ITIH5: variants seen among roughly 807,000 people sequenced by gnomAD.
ITIH5 encodes the protein inter-alpha-trypsin inhibitor heavy chain H5.
ITIH5 carries 65 observed loss-of-function variants against 77.5 expected under a neutral mutation model. That is an observed-to-expected ratio of 0.84 (90% CI 0.69 to 1.03). ITIH5 has a LOEUF of 1.03. Ranked by LOEUF, ITIH5 falls within the 50% of genes least tolerant of loss-of-function variation. The pLI is 0.00. For synonymous variants in ITIH5, 525 were observed against 494.3 expected, an observed-to-expected ratio of 1.06 and a Z score of -0.82; for missense variants, 1,208 against 1,213.1, an observed-to-expected ratio of 1.00 and a Z score of 0.06.
At chr10:7,579,640 G>T in intron 9 of ITIH5, 115 bp downstream of exon 9, 1 of 1,030,866 alleles carries the variant, frequency 9.7e-7, no homozygotes, top group Non-Finnish European at 1.5e-6. Context: ...AGCTATGATC[G>T]TTGTCAGCAG....
intron 2 of ITIH5, among the ~76,000 whole-genome samples, chr10:7,643,509 T>C (rs1380705884): frequency 6.6e-6 from 1 of 152,214 alleles, no homozygotes; most frequent in Non-Finnish European, 1.5e-5. Flanking sequence ...TATGTGAGAC[T>C]GTCTGGCTGC....
At position 7,631,789 on chromosome 10, in the gene ITIH5, A is replaced by ATT. The variant is rs34814719; in HGVS notation, c.652+5437_652+5438dup. Among the ~76,000 whole-genome samples the ATT allele has an allele frequency of 3.5e-5, 5 of 143,630 alleles. No individual in the cohort carries two copies. In the South Asian group the frequency reaches 9.0e-4, roughly 26 times the overall value. 94.2% of individuals were successfully genotyped at this position (143,630 alleles called of 152,430 possible). On this transcript the variant is annotated intron_variant, in intron 5 of 13. Coordinates refer to ENST00000397146, the MANE Select transcript of ITIH5 (RefSeq NM_030569.7). The stretch of plus-strand genomic sequence containing the variant: ...TGAAATTGAGAAACAACTTTGTTTA[A>ATT]TTTTTTTTTTTTTTTTAAACCAAAT...
In ITIH5 at chr10:7,560,795, A is replaced by G. The variant is rs1269657995; in HGVS notation, c.*2288T>C. On this transcript the variant is annotated 3_prime_UTR_variant, in exon 14 of 14. Coordinates refer to ENST00000397146, the MANE Select transcript of ITIH5 (RefSeq NM_030569.7). Reference sequence around the variant, plus strand: ...TGGTTTATAAATGCTCAAGGAAAATAAATGATTGCCCAGATGGTGAAACAG... The same window carrying G: ...TGGTTTATAAATGCTCAAGGAAAATGAATGATTGCCCAGATGGTGAAACAG... The G allele has an allele frequency of 6.6e-6, 1 of 152,216 alleles. No homozygotes were observed. The highest frequency in any genetic ancestry group is 2.4e-5 in the African/African-American group (1 of 41,446). 9.4% of individuals were successfully genotyped at this position (152,216 alleles called of 1,614,324 possible). A position where few individuals can be genotyped will look rare whatever the true frequency, so the allele number is the denominator to read the frequency against.
chr10:7,652,684 T>A (rs1834120782), intron 2 of ITIH5, among the ~76,000 whole-genome samples: 1 of 152,212 alleles, frequency 6.6e-6, no homozygotes, highest in Non-Finnish European at 1.5e-5. Flanking sequence ...TCTTTTTCCT[T>A]TCCTTTGAAA....
intron 2 of ITIH5, among the ~76,000 whole-genome samples, chr10:7,646,719 A>G (rs933026217): frequency 1.3e-5 from 2 of 152,126 alleles, no homozygotes; most frequent in South Asian, 2.1e-4. Flanking sequence ...AATCCCCTCT[A>G]TATAGTCCTT....
At position 7,580,183 on chromosome 10, in the gene ITIH5, C is replaced by T. The variant is rs554814707; in HGVS notation, c.1109-119G>A. 3,021 of 818,462 alleles carry T rather than the reference C, an allele frequency of 3.7e-3. 29 individuals carry two copies. The highest frequency in any genetic ancestry group is 0.02 in the South Asian group (1,133 of 57,262). The allele number at this position is 818,462 out of a possible 1,614,324, so 50.7% of individuals were successfully genotyped here. A position where few individuals can be genotyped will look rare whatever the true frequency, so the allele number is the denominator to read the frequency against. ...TCACCCAGGCTGGAGTGCAATGGCG[C>T]AATCTGCACTCACTGCAACCTCCGC... On this transcript the variant is annotated intron_variant, in intron 8 of 13. Coordinates refer to ENST00000397146, the MANE Select transcript of ITIH5 (RefSeq NM_030569.7).
At chr10:7,567,343 ATTAT>A (rs1162471333) in intron 12 of ITIH5, among the ~76,000 whole-genome samples, 3 of 148,146 alleles carry the variant, frequency 2.0e-5, no homozygotes, top group Admixed American at 1.4e-4. Flanking sequence ...TATTATTATT[ATTAT>A]TATTATTATA....
At chr10:7,589,251 A>G (rs1832744412) in intron 7 of ITIH5, among the ~76,000 whole-genome samples, 1 of 152,174 alleles carries the variant, frequency 6.6e-6, no homozygotes, top group African/African-American at 2.4e-5. Flanking sequence ...TGAGGTCAGG[A>G]GTTCAAGACC....
At chr10:7,623,704 G>GA (rs1833511079) in intron 5 of ITIH5, among the ~76,000 whole-genome samples, 1 of 150,622 alleles carries the variant, frequency 6.6e-6, no homozygotes, top group African/African-American at 2.4e-5. Context: ...TCAGGAGGGT[G>GA]AGGCAGGAGA....
chr10:7,628,829 G>A lies in ITIH5; in HGVS notation c.652+8399C>T, dbSNP rs868009707. 1.9e-3 allele frequency among the ~76,000 whole-genome samples: 201 copies of A among 104,114 alleles called. 24 individuals carry two copies. Among genetic ancestry groups the A allele is most frequent in the Non-Finnish European group, 2.7e-3 (129 of 47,786 alleles). The allele number at this position is 104,114 out of a possible 152,430, so 68.3% of individuals were successfully genotyped here. A position where few individuals can be genotyped will look rare whatever the true frequency, so the allele number is the denominator to read the frequency against. ...TTTTTGCATGTGTCCATGTTGTAGC[G>A]TGTGTCCCTGTTGTAGCGTGTGTCC... On this transcript the variant is annotated intron_variant, in intron 5 of 13. Coordinates refer to ENST00000397146, the MANE Select transcript of ITIH5 (RefSeq NM_030569.7).
chr10:7,579,528 G>GA (rs113401246), intron 9 of ITIH5, among the ~76,000 whole-genome samples: 6,668 of 138,708 alleles, frequency 0.048, 475 homozygotes, highest in African/African-American at 0.16. Flanking sequence ...TCCATCACAA[G>GA]AAAAAAAAAA....
intron 7 of ITIH5, among the ~76,000 whole-genome samples, chr10:7,597,763 T>A (rs1832935594): frequency 6.6e-6 from 1 of 152,224 alleles, no homozygotes; most frequent in South Asian, 2.1e-4. Context: ...AGTGGGGGTA[T>A]TCCAAGTCCA....
intron 5 of ITIH5, among the ~76,000 whole-genome samples, chr10:7,622,712 C>A (rs561130772): frequency 2.0e-5 from 3 of 152,018 alleles, no homozygotes; most frequent in East Asian, 3.9e-4. Context: ...AAAGAATAAT[C>A]TTTAAAAAAA....
chr10:7,666,741 C>T lies in ITIH5; in HGVS notation c.90+62G>A, dbSNP rs935467746. 8 of 1,399,878 alleles carry T rather than the reference C, an allele frequency of 5.7e-6. No individual in the cohort carries two copies. The Admixed American group carries it at 1.1e-4, about 20-fold the overall frequency. 86.7% of individuals were successfully genotyped at this position (1,399,878 alleles called of 1,614,324 possible). ...GGGGCCCGGGCAGAAGCTCCGCGGC[C>T]GGGCCGGCGGAGGGAAGGGGGCGGC... On this transcript the variant is annotated intron_variant, in intron 1 of 13. Coordinates refer to ENST00000397146, the MANE Select transcript of ITIH5 (RefSeq NM_030569.7).
chr10:7,564,046 T>C (rs551542328), intron 13 of ITIH5, among the ~76,000 whole-genome samples: 71 of 152,370 alleles, frequency 4.7e-4, no homozygotes, highest in African/African-American at 1.6e-3. Flanking sequence ...CTGGGTAGAA[T>C]GGCCCGCCTG....
intron 5 of ITIH5, among the ~76,000 whole-genome samples, chr10:7,626,488 T>C (rs1407644747): frequency 6.6e-6 from 1 of 152,202 alleles, no homozygotes; most frequent in African/African-American, 2.4e-5. Flanking sequence ...AACAACCAGA[T>C]TGTTTCCTGG....
Position 7,572,097 on chromosome 10 carries a change from T to C in ITIH5, c.2032+1045A>G, listed in dbSNP as rs1772789458. ...GGCAGCATCCAAGAGGAAGCTTTTC[T>C]GGCATTCCATAAAGCCTGTGTGTGT... On this transcript the variant is annotated intron_variant, in intron 11 of 13. Coordinates refer to ENST00000397146, the MANE Select transcript of ITIH5 (RefSeq NM_030569.7). 3.9e-6 allele frequency: 4 copies of C among 1,037,274 alleles called. No homozygotes were observed. The African/African-American group carries it at 5.1e-5, about 13-fold the overall frequency. The allele number at this position is 1,037,274 out of a possible 1,614,324, so 64.3% of individuals were successfully genotyped here. A position where few individuals can be genotyped will look rare whatever the true frequency, so the allele number is the denominator to read the frequency against.
intron 2 of ITIH5, among the ~76,000 whole-genome samples, chr10:7,647,613 G>A (rs773272668): frequency 3.3e-5 from 5 of 152,182 alleles, no homozygotes; most frequent in African/African-American, 4.8e-5. Context: ...GTAGACATTC[G>A]AGTTTGCAAC....
intron 9 of ITIH5, 52 bp from the exon 10 acceptor site, chr10:7,577,064 A>G (rs1832441810): frequency 5.3e-6 from 8 of 1,497,094 alleles, no homozygotes; most frequent in Non-Finnish European, 7.3e-6. Flanking sequence ...CTCTGACAGC[A>G]GGCAGGACAG....
Sources: allele counts gnomAD v4.1 joint callset (sites outside exome capture counted in the v4.1 genomes callset), GRCh38; gene constraint gnomAD v4.1.1; transcripts MANE v1.5; gene names NCBI Gene and HGNC (gene_info 2026-07-23, HGNC 2026-07-21).